AP4S1: variants seen among roughly 807,000 people sequenced by gnomAD.
AP4S1 encodes adaptor related protein complex 4 subunit sigma 1, also known as AP-4 complex subunit sigma-1.
Under a neutral mutation model 19.8 loss-of-function variants are expected in AP4S1, and 23 were observed. That is an observed-to-expected ratio of 1.16 (90% CI 0.84 to 1.65). The LOEUF is 1.65. Among genes scored for constraint, AP4S1 ranks in the 40% most tolerant of loss-of-function variants. The pLI is 0.00. For missense variants in AP4S1, 166 were observed against 172.8 expected (o/e 0.96, Z 0.22); for synonymous variants, 46 against 54.1 (o/e 0.85, Z 0.66).
chr14:31,044,591 A>G (rs906772154), intron 1 of AP4S1, among the ~76,000 whole-genome samples: 10 of 150,904 alleles, frequency 6.6e-5, no homozygotes, highest in African/African-American at 2.4e-4. Context: ...CAAGCAATCC[A>G]CCCACCTCAG....
intron 1 of AP4S1, chr14:31,026,225 G>T: frequency 7.2e-7 from 1 of 1,379,512 alleles, no homozygotes; most frequent in South Asian, 1.6e-5. Flanking sequence ...GCGAGACGCC[G>T]ACAGCTGGGG....
In AP4S1 at chr14:31,095,936, T is replaced by C. The variant is rs1251775644; in HGVS notation, c.*2901T>C. On this transcript the variant is annotated 3_prime_UTR_variant, in exon 6 of 6. Coordinates refer to ENST00000542754, the MANE Select transcript of AP4S1 (RefSeq NM_001128126.3). ...CTGTCTCTACTAAAACTACGAAAAA[T>C]TAGCCGGGCATGGTGGCACGCGCCT... The C allele has an allele frequency of 6.6e-6, 1 of 151,050 alleles. No individual in the cohort carries two copies. Among genetic ancestry groups the C allele is most frequent in the African/African-American group, 2.4e-5 (1 of 41,048 alleles). 9.4% of individuals were successfully genotyped at this position (151,050 alleles called of 1,614,324 possible). A position where few individuals can be genotyped will look rare whatever the true frequency, so the allele number is the denominator to read the frequency against.
At chr14:31,080,854 T>C (rs1887602287) in intron 5 of AP4S1, among the ~76,000 whole-genome samples, 1 of 152,182 alleles carries the variant, frequency 6.6e-6, no homozygotes, top group Non-Finnish European at 1.5e-5. Flanking sequence ...TAATCTCTGC[T>C]CACTGCAATT....
chr14:31,039,869 G>A (rs1272071188), intron 1 of AP4S1, among the ~76,000 whole-genome samples: 3 of 152,092 alleles, frequency 2.0e-5, no homozygotes, highest in Non-Finnish European at 2.9e-5. Context: ...GATTACAGGC[G>A]TGAGCCACCG....
At chr14:31,039,572 G>GTTTTT (rs1398903989) in intron 1 of AP4S1, among the ~76,000 whole-genome samples, 3 of 115,806 alleles carry the variant, frequency 2.6e-5, no homozygotes, top group East Asian at 2.3e-4. Flanking sequence ...GTGTAGTTTT[G>GTTTTT]TTTTTTTTTT....
At chr14:31,073,296 C>A (rs1244366240) in intron 4 of AP4S1, 54 of 273,182 alleles carry the variant, frequency 2.0e-4, no homozygotes, top group Non-Finnish European at 3.2e-4. Context: ...GGAGACCATC[C>A]TGGCTAATAC....
chr14:31,053,589 C>CTTT (rs758966011), intron 1 of AP4S1, among the ~76,000 whole-genome samples: 87 of 71,188 alleles, frequency 1.2e-3, no homozygotes, highest in Non-Finnish European at 1.5e-3. Context: ...TGACTTTTTT[C>CTTT]TTTTTTTTTT....
At chr14:31,088,589 C>T (rs1887984508) in intron 5 of AP4S1, among the ~76,000 whole-genome samples, 1 of 152,044 alleles carries the variant, frequency 6.6e-6, no homozygotes, top group African/African-American at 2.4e-5. Context: ...AGGCGGATCA[C>T]CTGAGGTCAG....
chr14:31,048,757 A>G (rs1054089069), intron 1 of AP4S1, among the ~76,000 whole-genome samples: 2 of 152,044 alleles, frequency 1.3e-5, no homozygotes, highest in Non-Finnish European at 2.9e-5. Flanking sequence ...AAACAAATCT[A>G]GCCACGTGCT....
intron 1 of AP4S1, among the ~76,000 whole-genome samples, chr14:31,031,849 A>G (rs1003504041): frequency 1.3e-5 from 2 of 152,108 alleles, no homozygotes; most frequent in Non-Finnish European, 2.9e-5. Flanking sequence ...ATGCCCATAG[A>G]TTCTCCCAGT....
intron 5 of AP4S1, among the ~76,000 whole-genome samples, chr14:31,092,253 C>T (rs533508544): frequency 1.6e-4 from 24 of 152,242 alleles, no homozygotes; most frequent in Middle Eastern, 3.4e-3. Context: ...GTCTGTCTGA[C>T]AGAGAAGAAA....
chr14:31,052,250 T>C (rs1885836883), intron 1 of AP4S1, among the ~76,000 whole-genome samples: 1 of 152,076 alleles, frequency 6.6e-6, no homozygotes, highest in South Asian at 2.1e-4. Flanking sequence ...CCAGCTTTGG[T>C]GATAGAGTGA....
intron 3 of AP4S1, among the ~76,000 whole-genome samples, chr14:31,071,899 T>C (rs1887026959): frequency 7.7e-6 from 1 of 129,264 alleles, no homozygotes; most frequent in Non-Finnish European, 1.6e-5. Context: ...TTTTATTTAT[T>C]TATTTATTTA....
chr14:31,084,275 C>G (rs1057448774), intron 5 of AP4S1, among the ~76,000 whole-genome samples: 1 of 152,184 alleles, frequency 6.6e-6, no homozygotes, highest in African/African-American at 2.4e-5. Flanking sequence ...CCAGGAAGCC[C>G]CCTGTCTTTT....
chr14:31,032,604 A>G (rs1430747327), intron 1 of AP4S1, among the ~76,000 whole-genome samples: 2 of 150,090 alleles, frequency 1.3e-5, no homozygotes, highest in African/African-American at 4.9e-5. Flanking sequence ...GCTCACTGCA[A>G]CCTCCACCTC....
intron 1 of AP4S1, among the ~76,000 whole-genome samples, chr14:31,050,549 A>G (rs1269801018): frequency 1.3e-5 from 2 of 152,138 alleles, no homozygotes; most frequent in South Asian, 2.1e-4. Flanking sequence ...GCCTCAAGCA[A>G]TTCTCCCACC....
chr14:31,029,451 G>C (rs1884252444), intron 1 of AP4S1, among the ~76,000 whole-genome samples: 1 of 152,046 alleles, frequency 6.6e-6, no homozygotes, highest in African/African-American at 2.4e-5. Flanking sequence ...CACTGTTTTT[G>C]GTTCCTCAAA....
At chr14:31,036,070 G>A (rs980637842) in intron 1 of AP4S1, among the ~76,000 whole-genome samples, 1 of 150,942 alleles carries the variant, frequency 6.6e-6, no homozygotes, top group Non-Finnish European at 1.5e-5. Flanking sequence ...CCCACATTTG[G>A]ATAATTACAA....
chr14:31,084,829 TC>T (rs768691807), intron 5 of AP4S1: 2 of 1,614,220 alleles, frequency 1.2e-6, no homozygotes, highest in South Asian at 2.2e-5. Context: ...GACTTGCTTT[TC>T]TCCAGACAGT....
Sources: gnomAD v4.1 joint callset for allele counts (sites outside exome capture counted in the v4.1 genomes callset) on GRCh38, gnomAD v4.1.1 for gene constraint, MANE v1.5 for transcripts, NCBI Gene and HGNC (gene_info 2026-07-23, HGNC 2026-07-21) for gene names.